Variants in EXOC6B observed in about 807,000 individuals in gnomAD.
EXOC6B encodes exocyst complex component 6B, also known as SEC15 homolog B.
Under a neutral mutation model 113.5 loss-of-function variants are expected in EXOC6B, and 54 were observed. The ratio of observed to expected loss-of-function variants is 0.48; its 90% CI spans 0.38 to 0.60. The LOEUF is 0.60. Ranked by LOEUF, EXOC6B falls within the 20% of genes least tolerant of loss-of-function variation. The probability of loss-of-function intolerance (pLI) is 0.00; values close to 1 mark genes in which losing one functional copy is unlikely to be tolerated. For synonymous variants in EXOC6B, 357 were observed against 339.0 expected, an observed-to-expected ratio of 1.05 and a Z score of -0.58; for missense variants, 797 against 977.5, an observed-to-expected ratio of 0.82 and a Z score of 2.46.
rs372039246 is a variant in EXOC6B at position 72,182,212 on chromosome 2, C to T, written c.2309+1863G>A. Among the ~76,000 whole-genome samples, 12 of 152,176 alleles carry T rather than the reference C, an allele frequency of 7.9e-5. No homozygotes were observed. In the East Asian group the frequency reaches 1.4e-3, roughly 17 times the overall value. Reference sequence around the variant, plus strand: ...AGCACATAGTTTCTTTACTGGCCAACGCTCCAGAATGGTAGGGAGAGGCTA... The same window carrying T: ...AGCACATAGTTTCTTTACTGGCCAATGCTCCAGAATGGTAGGGAGAGGCTA... On this transcript the variant is annotated intron_variant, in intron 21 of 21. Transcript: ENST00000272427.
intron 18 of EXOC6B, among the ~76,000 whole-genome samples, chr2:72,391,425 T>G (rs966017880): frequency 1.3e-5 from 2 of 152,116 alleles, no homozygotes; most frequent in African/African-American, 4.8e-5. Context: ...TTCTTACTGT[T>G]TTTCCCATGA....
intron 1 of EXOC6B, among the ~76,000 whole-genome samples, chr2:72,744,718 C>A (rs981287770): frequency 1.3e-5 from 2 of 152,168 alleles, no homozygotes; most frequent in African/African-American, 4.8e-5. Flanking sequence ...ATAGTTCATT[C>A]TACTGGGTAA....
rs528020850 is a variant in EXOC6B, at chr2:72,567,152, AT to A, written c.847-7632del. Among the ~76,000 whole-genome samples the A allele has an allele frequency of 5.2e-4, 79 of 152,172 alleles. 1 individual carries two copies. The East Asian group carries it at 0.011, about 22-fold the overall frequency. On this transcript the variant is annotated intron_variant, in intron 7 of 21. Transcript: ENST00000272427. ...AATAAGGATAGTTGAACCCTAAAAAATAATACAAAAAGAAACAAACGAACCT... is the reference window on the plus strand; with the variant it reads ...AATAAGGATAGTTGAACCCTAAAAAAAATACAAAAAGAAACAAACGAACCT...
chr2:72,732,845 C>T (rs922130449), intron 3 of EXOC6B, among the ~76,000 whole-genome samples: 4 of 152,128 alleles, frequency 2.6e-5, no homozygotes, highest in African/African-American at 9.7e-5. Flanking sequence ...TGTATTATGA[C>T]AAGTCGATGA....
chr2:72,424,982 C>T (rs1695119117), intron 18 of EXOC6B, among the ~76,000 whole-genome samples: 1 of 152,142 alleles, frequency 6.6e-6, no homozygotes, highest in South Asian at 2.1e-4. Context: ...GAATCTCTCC[C>T]TTCTCCTATC....
chr2:72,225,590 A>G (rs1413528467), intron 20 of EXOC6B, among the ~76,000 whole-genome samples: 1 of 152,172 alleles, frequency 6.6e-6, no homozygotes, highest in Non-Finnish European at 1.5e-5. Context: ...GCAAGGTTAG[A>G]ATTAAGACTT....
chr2:72,210,546 C>A (rs774137897), intron 20 of EXOC6B, among the ~76,000 whole-genome samples: 3 of 152,284 alleles, frequency 2.0e-5, no homozygotes, highest in Middle Eastern at 3.4e-3. Flanking sequence ...CCTGACCTGC[C>A]ATCTATTTCA....
At chr2:72,445,891 AG>A (rs1435160130) in intron 18 of EXOC6B, among the ~76,000 whole-genome samples, 3 of 152,240 alleles carry the variant, frequency 2.0e-5, no homozygotes, top group Non-Finnish European at 4.4e-5. Context: ...TATGTAAAAA[AG>A]TTCAATATTA....
chr2:72,487,534 T>C (rs1408675590), intron 16 of EXOC6B, among the ~76,000 whole-genome samples: 4 of 152,012 alleles, frequency 2.6e-5, no homozygotes, highest in African/African-American at 7.3e-5. Flanking sequence ...CTAATTTTTA[T>C]ATTTTTAGTA....
chr2:72,232,942 G>A (rs563438433), intron 20 of EXOC6B, among the ~76,000 whole-genome samples: 1 of 151,774 alleles, frequency 6.6e-6, no homozygotes, highest in South Asian at 2.1e-4. Context: ...TGTGGTTGCG[G>A]GTGCCTGTAA....
At chr2:72,220,189 G>A (rs991520259) in intron 20 of EXOC6B, among the ~76,000 whole-genome samples, 29 of 152,142 alleles carry the variant, frequency 1.9e-4, no homozygotes, top group African/African-American at 7.0e-4. Flanking sequence ...TTATCTGCTG[G>A]CATTCGTATT....
At chr2:72,617,726 A>C (rs962854381) in intron 6 of EXOC6B, among the ~76,000 whole-genome samples, 10 of 151,700 alleles carry the variant, frequency 6.6e-5, no homozygotes, top group Non-Finnish European at 1.5e-4. Flanking sequence ...GGTTGGCCAC[A>C]GTGGTCTCAA....
chr2:72,601,686 G>A (rs1670445397), intron 6 of EXOC6B, among the ~76,000 whole-genome samples: 1 of 152,060 alleles, frequency 6.6e-6, no homozygotes, highest in South Asian at 2.1e-4. Context: ...ACACAAATAA[G>A]TTGAAAATTT....
At chr2:72,340,884 A>G (rs551863940) in intron 19 of EXOC6B, among the ~76,000 whole-genome samples, 3 of 152,138 alleles carry the variant, frequency 2.0e-5, no homozygotes, top group Admixed American at 2.0e-4. Flanking sequence ...CACTAAGCTA[A>G]TTACAAACAG....
At chr2:72,502,933 T>C (rs1463031314) in intron 11 of EXOC6B, among the ~76,000 whole-genome samples, 4 of 152,204 alleles carry the variant, frequency 2.6e-5, no homozygotes, top group Non-Finnish European at 5.9e-5. Flanking sequence ...TTTATCTTCT[T>C]GATCAGCATC....
At chr2:72,592,761 A>G (rs1706054189) in intron 6 of EXOC6B, among the ~76,000 whole-genome samples, 1 of 152,124 alleles carries the variant, frequency 6.6e-6, no homozygotes. Flanking sequence ...TTTAGTTATA[A>G]TATTTGGTTT....
intron 8 of EXOC6B, among the ~76,000 whole-genome samples, chr2:72,556,404 C>T (rs1202091673): frequency 6.6e-6 from 1 of 152,068 alleles, no homozygotes; most frequent in East Asian, 1.9e-4. Flanking sequence ...CTTTTTGTTT[C>T]CTATTTTTAA....
intron 6 of EXOC6B, among the ~76,000 whole-genome samples, chr2:72,614,300 T>TACAG (rs1202305957): frequency 6.6e-6 from 1 of 152,132 alleles, no homozygotes; most frequent in African/African-American, 2.4e-5. Context: ...AATCATAGTG[T>TACAG]ACAGACACAT....
In EXOC6B at chr2:72,299,193, T is replaced by C. The variant is rs566861462; in HGVS notation, c.2196+35754A>G. Among the ~76,000 whole-genome samples, 9 of 152,074 alleles carry C rather than the reference T, an allele frequency of 5.9e-5. No homozygotes were observed. In the East Asian group the frequency reaches 1.8e-3, roughly 30 times the overall value. ...AGGCTTTGTTCATTTCTTTTCACTA[T>C]TTTTTCTCTAATCTTCTCTTCTCAC... On this transcript the variant is annotated intron_variant, in intron 20 of 21. Coordinates refer to ENST00000272427, the MANE Select transcript of EXOC6B (RefSeq NM_015189.3).
Sources: gnomAD v4.1 joint callset for allele counts (sites outside exome capture counted in the v4.1 genomes callset) on GRCh38, gnomAD v4.1.1 for gene constraint, MANE v1.5 for transcripts, NCBI Gene and HGNC (gene_info 2026-07-23, HGNC 2026-07-21) for gene names.